The following RALY variants were observed in gnomAD, a reference collection of about 807,000 sequenced individuals.
The protein encoded by RALY is RALY heterogeneous nuclear ribonucleoprotein.
In RALY, 15 loss-of-function variants were observed where a neutral mutation model predicts 30.7. The ratio of observed to expected loss-of-function variants is 0.49; its 90% CI spans 0.33 to 0.75. The LOEUF (loss-of-function observed/expected upper bound fraction) is 0.75. RALY is among the 30% of genes least tolerant of loss of function. RALY has a pLI of 0.02. For synonymous variants in RALY, 177 were observed against 170.8 expected (o/e 1.04, Z -0.28); for missense variants, 339 against 414.3 (o/e 0.82, Z 1.58).
At chr20:34,061,301 C>G (rs140420095) in intron 2 of RALY, among the ~76,000 whole-genome samples, 1 of 152,162 alleles carries the variant, frequency 6.6e-6, no homozygotes, top group Non-Finnish European at 1.5e-5. Flanking sequence ...GTCTCCCTAT[C>G]CCCTTCTCTC....
At chr20:34,053,259 A>T (rs1026247960) in intron 2 of RALY, among the ~76,000 whole-genome samples, 1 of 152,016 alleles carries the variant, frequency 6.6e-6, no homozygotes, top group South Asian at 2.1e-4. Context: ...TTTTCCATGT[A>T]TCATATGAGG....
chr20:34,052,864 G>T (rs1029345225), intron 2 of RALY, among the ~76,000 whole-genome samples: 1 of 152,118 alleles, frequency 6.6e-6, no homozygotes, highest in Non-Finnish European at 1.5e-5. Flanking sequence ...GGTTTGAAGA[G>T]AATGTGTAAG....
chr20:34,005,114 G>A (rs771799671), intron 1 of RALY, among the ~76,000 whole-genome samples: 36 of 152,148 alleles, frequency 2.4e-4, no homozygotes, highest in Non-Finnish European at 4.7e-4. Flanking sequence ...GTCAGGTCGC[G>A]GGGTGTTTGT....
chr20:34,059,250 T>C (rs539321331), intron 2 of RALY, among the ~76,000 whole-genome samples: 1 of 152,312 alleles, frequency 6.6e-6, no homozygotes, highest in East Asian at 1.9e-4. Context: ...AGAAGGATTG[T>C]TGTAATGAGG....
intron 2 of RALY, among the ~76,000 whole-genome samples, chr20:34,069,606 G>A (rs1167310576): frequency 6.6e-6 from 1 of 152,194 alleles, no homozygotes; most frequent in Admixed American, 6.5e-5. Flanking sequence ...TTGTATACCC[G>A]TGGATAGACA....
chr20:34,008,875 G>A (rs1250162906), intron 1 of RALY, among the ~76,000 whole-genome samples: 2 of 152,126 alleles, frequency 1.3e-5, no homozygotes, highest in Non-Finnish European at 2.9e-5. Context: ...ACCCAGGCTG[G>A]TCTCACACTC....
In RALY at chr20:34,036,104, T is replaced by G. The variant is rs556662872; in HGVS notation, c.-10+4500T>G. On this transcript the variant is annotated intron_variant, in intron 2 of 9. Transcript: ENST00000246194. ...AGTTAAATAGGAAGACATTGGAGAG[T>G]TTTGAATAGAGGAATGACATAATCT... 2.0e-5 allele frequency among the ~76,000 whole-genome samples: 3 copies of G among 151,492 alleles called. No homozygotes were observed. In the South Asian group the frequency reaches 6.3e-4, roughly 32 times the overall value.
At chr20:34,047,376 A>T (rs1343544335) in intron 2 of RALY, among the ~76,000 whole-genome samples, 1 of 152,120 alleles carries the variant, frequency 6.6e-6, no homozygotes, top group Non-Finnish European at 1.5e-5. Flanking sequence ...AGCAGGGGGC[A>T]GTGTTGATGG....
rs6059617 is a variant in RALY at position 34,006,611 on chromosome 20, T to A, written c.-93+12480T>A. On this transcript the variant is annotated intron_variant, in intron 1 of 9. Transcript: ENST00000246194. ...TGATGGGCCACAGATATGACAGTGG[T>A]CTAATATGATTGTAATACCATTTTT... Among the ~76,000 whole-genome samples the A allele has an allele frequency of 6.0e-3, 911 of 151,752 alleles. 10 individuals carry two copies. The highest frequency in any genetic ancestry group is 0.021 in the African/African-American group (860 of 40,984).
At chr20:34,040,207 T>TGTTCAG (rs2032648681) in intron 2 of RALY, among the ~76,000 whole-genome samples, 1 of 152,176 alleles carries the variant, frequency 6.6e-6, no homozygotes, top group Non-Finnish European at 1.5e-5. Flanking sequence ...TGAAGTCACC[T>TGTTCAG]GTTCAGGTTC....
intron 1 of RALY, among the ~76,000 whole-genome samples, chr20:34,008,778 T>A (rs977407819): frequency 6.6e-6 from 1 of 152,122 alleles, no homozygotes; most frequent in Non-Finnish European, 1.5e-5. Flanking sequence ...CACGCCTCAG[T>A]CTCCTGAGTA....
rs572536548 is a variant in RALY, at chr20:34,013,405, C to T, written c.-92-18117C>T. 2.6e-5 allele frequency among the ~76,000 whole-genome samples: 3 copies of T among 116,278 alleles called. No individual in the cohort carries two copies. In the South Asian group the frequency reaches 1.1e-3, roughly 41 times the overall value. The allele number at this position is 116,278 out of a possible 152,430, so 76.3% of individuals were successfully genotyped here. A position where few individuals can be genotyped will look rare whatever the true frequency, so the allele number is the denominator to read the frequency against. ...CTCCAGCTTAGGCATCAGAACGAGACCTTGTCTCAAAAAAAAAAAAAAAAA... is the reference window on the plus strand; with the variant it reads ...CTCCAGCTTAGGCATCAGAACGAGATCTTGTCTCAAAAAAAAAAAAAAAAA... On this transcript the variant is annotated intron_variant, in intron 1 of 9. Coordinates refer to ENST00000246194, the MANE Select transcript of RALY (RefSeq NM_016732.3).
At chr20:34,012,633 AG>A (rs2031451248) in intron 1 of RALY, among the ~76,000 whole-genome samples, 1 of 152,178 alleles carries the variant, frequency 6.6e-6, no homozygotes, top group Non-Finnish European at 1.5e-5. Context: ...GTGTTTTTAA[AG>A]GGGACTTGCA....
intron 2 of RALY, among the ~76,000 whole-genome samples, chr20:34,039,406 C>T (rs994352354): frequency 6.6e-6 from 1 of 152,236 alleles, no homozygotes; most frequent in African/African-American, 2.4e-5. Flanking sequence ...TGTTCCCAGT[C>T]AAGCTATTTC....
At chr20:34,049,427 C>T (rs540429280) in intron 2 of RALY, among the ~76,000 whole-genome samples, 15 of 152,270 alleles carry the variant, frequency 9.9e-5, no homozygotes, top group African/African-American at 3.6e-4. Context: ...TCCCCTCCCT[C>T]AGAGATCTGT....
intron 1 of RALY, among the ~76,000 whole-genome samples, chr20:34,026,214 T>C (rs1040891616): frequency 5.3e-5 from 8 of 152,038 alleles, no homozygotes; most frequent in Non-Finnish European, 8.8e-5. Context: ...AGTGTTTCAC[T>C]TTACCTCCTA....
Position 34,081,489 on chromosome 20 carries a change from C to T in RALY, c.*1584C>T, listed in dbSNP as rs1052861036. ...AATTCAATCCCATCATCAAAAAGGG[C>T]TTTAGGTTTTCCCTCCATCTTTACG... On this transcript the variant is annotated 3_prime_UTR_variant, in exon 10 of 10. Coordinates refer to ENST00000246194, the MANE Select transcript of RALY (RefSeq NM_016732.3). 5 of 152,214 alleles carry T rather than the reference C, an allele frequency of 3.3e-5. No homozygotes were observed. Among genetic ancestry groups the T allele is most frequent in the Non-Finnish European group, 5.9e-5 (4 of 68,066 alleles). 9.4% of individuals were successfully genotyped at this position (152,214 alleles called of 1,614,324 possible). A position where few individuals can be genotyped will look rare whatever the true frequency, so the allele number is the denominator to read the frequency against.
chr20:33,999,917 C>A (rs1356122666), intron 1 of RALY, among the ~76,000 whole-genome samples: 5 of 152,060 alleles, frequency 3.3e-5, no homozygotes, highest in Non-Finnish European at 7.4e-5. Context: ...TCCCTTCTAG[C>A]AATTACATTT....
chr20:34,034,026 G>A (rs903562609), intron 2 of RALY, among the ~76,000 whole-genome samples: 1 of 152,172 alleles, frequency 6.6e-6, no homozygotes, highest in African/African-American at 2.4e-5. Context: ...CTCATGAACC[G>A]TGGTATAGGA....
Sources: allele counts gnomAD v4.1 joint callset (sites outside exome capture counted in the v4.1 genomes callset), GRCh38; gene constraint gnomAD v4.1.1; transcripts MANE v1.5; gene names NCBI Gene and HGNC (gene_info 2026-07-23, HGNC 2026-07-21).